The following CERT1 variants were observed in gnomAD, a reference collection of about 807,000 sequenced individuals.
CERT1 encodes ceramide transfer protein.
Under a neutral mutation model 87.9 loss-of-function variants are expected in CERT1, and 31 were observed. That is an observed-to-expected ratio of 0.35 (90% CI 0.27 to 0.48). The LOEUF is 0.48. CERT1 is among the 20% of genes least tolerant of loss of function. The pLI is 0.99. For missense variants in CERT1, 487 were observed against 758.0 expected, an observed-to-expected ratio of 0.64 and a Z score of 4.20; for synonymous variants, 289 against 250.9, an observed-to-expected ratio of 1.15 and a Z score of -1.44.
rs143294314 is a variant in CERT1 at position 75,386,477 on chromosome 5, A to T, written c.1285-443T>A. ...CAATAGGCACTCAGTTATTTGTTAAATCAATGGCTGAAAGCTAAGATGGCA... is the reference window on the plus strand; with the variant it reads ...CAATAGGCACTCAGTTATTTGTTAATTCAATGGCTGAAAGCTAAGATGGCA... On this transcript the variant is annotated intron_variant, in intron 12 of 16. Transcript: ENST00000643780. Among the ~76,000 whole-genome samples, 231 of 152,376 alleles carry T rather than the reference A, an allele frequency of 1.5e-3. 1 individual carries two copies. Among genetic ancestry groups the T allele is most frequent in the Admixed American group, 7.4e-3 (113 of 15,306 alleles).
chr5:75,499,954 GATTTA>G (rs1767268765), intron 2 of CERT1, among the ~76,000 whole-genome samples: 1 of 152,166 alleles, frequency 6.6e-6, no homozygotes, highest in Non-Finnish European at 1.5e-5. Flanking sequence ...CAGCATTGTG[GATTTA>G]ATTAGTTAGA....
intron 3 of CERT1, among the ~76,000 whole-genome samples, chr5:75,449,798 A>G (rs1764703691): frequency 6.6e-6 from 1 of 151,966 alleles, no homozygotes; most frequent in East Asian, 1.9e-4. Context: ...AGCATGGAGT[A>G]CCTTTATTTA....
intron 15 of CERT1, 29 bp downstream of exon 15, chr5:75,381,916 TTTAA>T (rs765805973): frequency 1.9e-6 from 3 of 1,584,416 alleles, no homozygotes; most frequent in African/African-American, 1.4e-5. Context: ...CTTTATATTG[TTTAA>T]TTATACACAT....
At chr5:75,422,401 A>C (rs1763420175) in intron 5 of CERT1, among the ~76,000 whole-genome samples, 2 of 152,140 alleles carry the variant, frequency 1.3e-5, no homozygotes, top group Non-Finnish European at 2.9e-5. Context: ...AGACTGCTTG[A>C]GCTCAGGAGT....
At position 75,496,748 on chromosome 5, in the gene CERT1, A is replaced by G. The variant is rs143976116; in HGVS notation, c.231+9234T>C. Among the ~76,000 whole-genome samples, 164 of 152,350 alleles carry G rather than the reference A, an allele frequency of 1.1e-3. 1 individual carries two copies. The highest frequency in any genetic ancestry group is 7.3e-3 in the Admixed American group (112 of 15,308). On this transcript the variant is annotated intron_variant, in intron 2 of 16. Coordinates refer to ENST00000643780, the MANE Select transcript of CERT1 (RefSeq NM_001379029.1). ...ATGCATACTGCATGATTCCATGTATATAATATGCTGCAACAGTGGTTACCA... is the reference window on the plus strand; with the variant it reads ...ATGCATACTGCATGATTCCATGTATGTAATATGCTGCAACAGTGGTTACCA...
At chr5:75,376,103 C>T (rs1761300876), downstream of CERT1, 2 of 152,272 alleles carry the variant, frequency 1.3e-5, no homozygotes, top group African/African-American at 4.8e-5. Flanking sequence ...AATCTGTGAA[C>T]ATACACATGC....
At chr5:75,459,243 C>T in intron 2 of CERT1, 62 bp from the exon 3 acceptor site, 1 of 952,612 alleles carries the variant, frequency 1.0e-6, no homozygotes, top group Non-Finnish European at 1.7e-6. Context: ...GTGTTACACC[C>T]CAAAGCCAAA....
intron 5 of CERT1, among the ~76,000 whole-genome samples, chr5:75,424,882 G>A (rs1486523192): frequency 1.3e-5 from 2 of 152,166 alleles, no homozygotes; most frequent in African/African-American, 4.8e-5. Context: ...GTAGGCCGAA[G>A]TGGGAAGATT....
In CERT1 at chr5:75,385,963, G is replaced by A. The variant is rs770401308; in HGVS notation, c.1356C>T (p.Gly452=). The change falls in exon 13 of 17, where the codon GGC becomes GGT. Residue 452 remains glycine (G), a synonymous_variant. Transcript: ENST00000643780. The stretch of plus-strand genomic sequence containing the variant: ...AATTGCAGACTTCATGTCCTGTGAC[G>A]CCTTTAACTGCATGGGTAGCTTTTA... The part of the protein sequence containing the change: ...DPLKATHAVK[G]VTGHEVCNYF... The A allele has an allele frequency of 2.5e-6, 4 of 1,595,438 alleles. No homozygotes were observed. The highest frequency in any genetic ancestry group is 1.3e-5 in the African/African-American group (1 of 74,336).
intron 5 of CERT1, 70 bp downstream of exon 5, chr5:75,425,291 C>G: frequency 2.1e-6 from 3 of 1,447,246 alleles, no homozygotes; most frequent in Non-Finnish European, 2.9e-6. Context: ...AAAGACATTA[C>G]CCTTTGAGAT....
chr5:75,435,234 C>T lies in CERT1; in HGVS notation c.349-8756G>A, dbSNP rs80295774. On this transcript the variant is annotated intron_variant, in intron 3 of 16. Transcript: ENST00000643780. ...AGCTTGGTCTTTTCTGCTATTAATA[C>T]TTCCACTGTGTTCTGAAATTCCTGT... Among the ~76,000 whole-genome samples the T allele has an allele frequency of 7.9e-4, 121 of 152,334 alleles. 1 individual carries two copies. The East Asian group carries it at 0.019, about 24-fold the overall frequency.
intron 4 of CERT1, among the ~76,000 whole-genome samples, chr5:75,426,062 A>ACAAG (rs1763605941): frequency 6.6e-6 from 1 of 152,226 alleles, no homozygotes; most frequent in African/African-American, 2.4e-5. Context: ...AGAAGCACTG[A>ACAAG]TTATTAATCT....
chr5:75,486,090 T>G lies in CERT1; in HGVS notation c.231+19892A>C, dbSNP rs578069216. On this transcript the variant is annotated intron_variant, in intron 2 of 16. Coordinates refer to ENST00000643780, the MANE Select transcript of CERT1 (RefSeq NM_001379029.1). ...GGCCAATATCCCTGGCGAACATTGA[T>G]ACAAAAATCCTCAACAAAATACTAT... Among the ~76,000 whole-genome samples, 8 of 152,180 alleles carry G rather than the reference T, an allele frequency of 5.3e-5. No homozygotes were observed. In the South Asian group the frequency reaches 1.7e-3, roughly 32 times the overall value.
At position 75,466,691 on chromosome 5, in the gene CERT1, A is replaced by T. The variant is rs1023672112; in HGVS notation, c.232-7510T>A. ...TCCAGGAGGGTCCTAAGGTAATGGTACAAACACCAGCAGGCAGCAACTTTT... is the reference window on the plus strand; with the variant it reads ...TCCAGGAGGGTCCTAAGGTAATGGTTCAAACACCAGCAGGCAGCAACTTTT... On this transcript the variant is annotated intron_variant, in intron 2 of 16. Coordinates refer to ENST00000643780, the MANE Select transcript of CERT1 (RefSeq NM_001379029.1). 1.5e-4 allele frequency among the ~76,000 whole-genome samples: 23 copies of T among 152,276 alleles called. 1 individual carries two copies. Among genetic ancestry groups the T allele is most frequent in the Middle Eastern group, 6.8e-3 (2 of 294 alleles).
chr5:75,452,915 G>A (rs1399511332), intron 3 of CERT1, among the ~76,000 whole-genome samples: 1 of 152,106 alleles, frequency 6.6e-6, no homozygotes, highest in East Asian at 1.9e-4. Context: ...ACAGATTAAA[G>A]CCAGCACAAT....
At chr5:75,380,101 G>T (rs534518828) in intron 16 of CERT1, among the ~76,000 whole-genome samples, 3 of 152,140 alleles carry the variant, frequency 2.0e-5, no homozygotes, top group Admixed American at 1.3e-4. Context: ...AGGTACAACT[G>T]TTTCTTTGAA....
At chr5:75,480,916 T>A (rs1485798068) in intron 2 of CERT1, among the ~76,000 whole-genome samples, 1 of 152,186 alleles carries the variant, frequency 6.6e-6, no homozygotes, top group Non-Finnish European at 1.5e-5. Flanking sequence ...TCATCTGGAT[T>A]ACCTGCAACA....
chr5:75,445,628 CCTT>C (rs1401374450), intron 3 of CERT1, among the ~76,000 whole-genome samples: 1 of 152,154 alleles, frequency 6.6e-6, no homozygotes, highest in African/African-American at 2.4e-5. Flanking sequence ...CCTGCTATCT[CCTT>C]CTCCTTTGAA....
At chr5:75,380,947 C>T in intron 16 of CERT1, 125 bp downstream of exon 16, 2 of 1,012,710 alleles carry the variant, frequency 2.0e-6, no homozygotes, top group Non-Finnish European at 2.9e-6. Context: ...ATATACCTTT[C>T]TCCAAATTAA....
Sources: gnomAD v4.1 joint callset for allele counts (sites outside exome capture counted in the v4.1 genomes callset) on GRCh38, gnomAD v4.1.1 for gene constraint, MANE v1.5 for transcripts, NCBI Gene and HGNC (gene_info 2026-07-23, HGNC 2026-07-21) for gene names.